The following MFNG variants were observed in gnomAD, a reference collection of about 807,000 sequenced individuals.
MFNG encodes MFNG O-fucosylpeptide 3-beta-N-acetylglucosaminyltransferase.
Under a neutral mutation model 34.2 loss-of-function variants are expected in MFNG, and 24 were observed. The observed-to-expected ratio is 0.70, with a 90% CI of 0.51 to 0.99. The LOEUF is 0.99. MFNG is among the 50% of genes least tolerant of loss of function. The pLI is 0.00. For missense variants in MFNG, 383 were observed against 424.0 expected (o/e 0.90, Z 0.85); for synonymous variants, 158 against 179.2 (o/e 0.88, Z 0.94).
intron 7 of MFNG, 69 bp from the exon 8 acceptor site, chr22:37,470,098 G>C: frequency 8.1e-7 from 1 of 1,231,972 alleles, no homozygotes; most frequent in Non-Finnish European, 1.2e-6. Flanking sequence ...TCTCCTAGGT[G>C]CACACATGCC....
At chr22:37,477,550 G>A (rs1380802009) in intron 4 of MFNG, among the ~76,000 whole-genome samples, 6 of 152,034 alleles carry the variant, frequency 3.9e-5, no homozygotes, top group South Asian at 4.1e-4. Flanking sequence ...AGGTTCAAGC[G>A]ATTCTCCAGC....
rs968063752 is a variant in MFNG at position 37,483,649 on chromosome 22, G to A, written c.255+2274C>T. 3.9e-5 allele frequency among the ~76,000 whole-genome samples: 6 copies of A among 152,008 alleles called. No individual in the cohort carries two copies. The highest frequency in any genetic ancestry group is 1.2e-4 in the African/African-American group (5 of 41,356). ...TAGAAAAATTAGCCGGGCGTGGTGC[G>A]CATGCCTGTAGTCCAAGCTACTCAG... On this transcript the variant is annotated intron_variant, in intron 1 of 7. Transcript: ENST00000356998. The surrounding 1 kb of genome is among the most constrained non-coding windows in gnomAD (Gnocchi z 4.5).
chr22:37,472,962 T>C (rs756338316), intron 6 of MFNG, among the ~76,000 whole-genome samples: 3 of 152,108 alleles, frequency 2.0e-5, no homozygotes, highest in Non-Finnish European at 4.4e-5. Flanking sequence ...TCAGAGGCTG[T>C]AGAGCACAGT....
chr22:37,476,904 C>A lies in MFNG; in HGVS notation c.639G>T (p.Pro213=). 6.2e-7 allele frequency: 1 copy of A among 1,613,828 alleles called. No homozygotes were observed. Among genetic ancestry groups the A allele is most frequent in the Non-Finnish European group, 8.5e-7 (1 of 1,179,818 alleles). The part of the protein sequence containing the change: ...INRKLALKMA[P]WASGSRFMDT... The stretch of plus-strand genomic sequence containing the variant: ...CCTGGGTCTCTGCTTACCTGGCCCA[C>A]GGAGCCATCTTCAAAGCCAGTTTGC... The change falls in exon 5 of 8, where the codon CCG becomes CCT. Residue 213 remains proline (P), a synonymous_variant. Transcript: ENST00000356998.
At chr22:37,478,840 A>T (rs1391860749) in intron 4 of MFNG, among the ~76,000 whole-genome samples, 3 of 151,970 alleles carry the variant, frequency 2.0e-5, no homozygotes, top group Admixed American at 1.3e-4. Context: ...CACCATGCCC[A>T]GCTAATTTTT....
At position 37,480,786 on chromosome 22, in the gene MFNG, G is replaced by C; in HGVS notation, c.256-17C>G. 1 of 1,612,430 alleles carries C rather than the reference G, an allele frequency of 6.2e-7. No homozygotes were observed. The highest frequency in any genetic ancestry group is 8.5e-7 in the Non-Finnish European group (1 of 1,179,324). On this transcript the variant is annotated splice_polypyrimidine_tract_variant and intron_variant, in intron 1 of 7. Coordinates refer to ENST00000356998, the MANE Select transcript of MFNG (RefSeq NM_002405.4). ...GACAAATGTCTAGGAAGGAGAAGAA[G>C]GGGTCAGGACTCACATCGGCCCAAG...
chr22:37,478,287 C>T (rs1388966795), intron 4 of MFNG, among the ~76,000 whole-genome samples: 1 of 152,170 alleles, frequency 6.6e-6, no homozygotes, highest in Admixed American at 6.5e-5. Context: ...ACCTCCCGAT[C>T]TGCCTTCTTC....
At position 37,486,061 on chromosome 22, in the gene MFNG, G is replaced by C; in HGVS notation, c.117C>G (p.Pro39=). ...NLSPQRVQGT[P]ELSQPNPGPP... is the part of the protein sequence containing the mutation. The stretch of plus-strand genomic sequence containing the variant: ...GCCCCGGGTTCGGCTGGCTCAGCTC[G>C]GGGGTCCCTTGTACCCGCTGCGGGG... The change falls in exon 1 of 8, where the codon CCC becomes CCG. Residue 39 remains proline, a synonymous_variant. Transcript: ENST00000356998. 6.2e-7 allele frequency: 1 copy of C among 1,613,740 alleles called. No individual in the cohort carries two copies. The highest frequency in any genetic ancestry group is 1.3e-5 in the African/African-American group (1 of 75,030).
chr22:37,482,369 T>C lies in MFNG; in HGVS notation c.256-1600A>G, dbSNP rs1380153871. 6.6e-6 allele frequency among the ~76,000 whole-genome samples: 1 copy of C among 152,128 alleles called. No individual in the cohort carries two copies. The highest frequency in any genetic ancestry group is 2.1e-4 in the South Asian group (1 of 4,830). Reference sequence around the variant, plus strand: ...GGGGCCACCTGGCCACCCTGCCTGATGTAGTCTGATCTCATTACTTCCTGT... The same window carrying C: ...GGGGCCACCTGGCCACCCTGCCTGACGTAGTCTGATCTCATTACTTCCTGT... On this transcript the variant is annotated intron_variant, in intron 1 of 7. Coordinates refer to ENST00000356998, the MANE Select transcript of MFNG (RefSeq NM_002405.4). The surrounding 1 kb of genome is among the most constrained non-coding windows in gnomAD (Gnocchi z 4.1).
intron 5 of MFNG, among the ~76,000 whole-genome samples, chr22:37,475,741 T>G (rs1319532723): frequency 6.6e-6 from 1 of 152,146 alleles, no homozygotes; most frequent in Non-Finnish European, 1.5e-5. Context: ...GCCCTCAAGC[T>G]GCACCTGCAG....
intron 4 of MFNG, among the ~76,000 whole-genome samples, chr22:37,477,242 G>A (rs1922083844): frequency 6.6e-6 from 1 of 152,202 alleles, no homozygotes; most frequent in Admixed American, 6.5e-5. Flanking sequence ...AAAGGGGACA[G>A]GTGTTGTTTT....
chr22:37,472,421 A>T (rs1921850032), intron 7 of MFNG, 22 bp downstream of exon 7: 1 of 1,549,194 alleles, frequency 6.5e-7, no homozygotes, highest in African/African-American at 1.4e-5. Flanking sequence ...CTCCCATCCA[A>T]GGTTCCAGCC....
rs760886971 is a variant in MFNG, at chr22:37,479,349, C to A, written c.557G>T (p.Arg186Leu). The A allele has an allele frequency of 6.3e-7, 1 of 1,576,436 alleles. No homozygotes were observed. Among genetic ancestry groups the A allele is most frequent in the Non-Finnish European group, 8.6e-7 (1 of 1,161,402 alleles). ...AGGAGGAGGAGAGGGACCCACCGTG[C>A]GGTTGTGGGGCTGTGGCTCTGAGGC... ...IHASEPQPHN[R>L]TRLVQFWFAT... Residue 186 changes from arginine (R) to leucine (L), a missense_variant, in exon 4 of 8, where the codon CGC becomes CTC. By Grantham distance (102) the Arg-to-Leu change is moderately radical. Transcript: ENST00000356998.
chr22:37,479,345 C>G lies in MFNG; in HGVS notation c.561G>C (p.Thr187=), dbSNP rs1317799852. 5 of 1,571,228 alleles carry G rather than the reference C, an allele frequency of 3.2e-6. No homozygotes were observed. The highest frequency in any genetic ancestry group is 2.4e-5 in the East Asian group (1 of 41,978). The change falls in exon 4 of 8, where the codon ACG becomes ACC. Residue 187 remains threonine (T), a splice_region_variant and synonymous_variant. Transcript: ENST00000356998. ...HASEPQPHNR[T]RLVQFWFATG... is the part of the protein sequence containing the mutation. ...GCAAAGGAGGAGGAGAGGGACCCAC[C>G]GTGCGGTTGTGGGGCTGTGGCTCTG... is the stretch of plus-strand genomic sequence containing the variant.
chr22:37,480,682 G>C, intron 2 of MFNG, 39 bp downstream of exon 2: 6 of 1,602,194 alleles, frequency 3.7e-6, no homozygotes, highest in Non-Finnish European at 5.1e-6. Context: ...CCAGGCAACA[G>C]CTAAAGTCCC....
chr22:37,474,559 G>A lies in MFNG; in HGVS notation c.766C>T (p.His256Tyr), dbSNP rs779432544. 6.2e-7 allele frequency: 1 copy of A among 1,614,158 alleles called. No homozygotes were observed. The highest frequency in any genetic ancestry group is 8.5e-7 in the Non-Finnish European group (1 of 1,180,002). ...CTCAGCAGCTGCAGGGTCTCCAGGT[G>A]GGAGTGAAAGAGGGGGCTGGGCTGC... Reference protein sequence around the residue: ...RLQPSPLFHSHLETLQLLRTA... With the variant: ...RLQPSPLFHSYLETLQLLRTA... The change falls in exon 6 of 8, where the codon CAC (histidine) becomes TAC (tyrosine). Residue 256 changes from histidine to tyrosine, a missense_variant. Transcript: ENST00000356998.
rs1190981785 is a variant in MFNG at position 37,472,529 on chromosome 22, C to A, written c.814-1G>T. 6.3e-7 allele frequency: 1 copy of A among 1,580,282 alleles called. No individual in the cohort carries two copies. The highest frequency in any genetic ancestry group is 8.6e-7 in the Non-Finnish European group (1 of 1,166,010). On this transcript the variant is annotated splice_acceptor_variant, in intron 6 of 7. Transcript: ENST00000356998. LOFTEE classifies it high-confidence loss of function. ...CAAAGACACCGTAGCTGAGGGTGAC[C>A]TGGGCAGGGAGATAGAAGAGTGTTG...
At chr22:37,479,277 AC>A (rs994041228) in intron 4 of MFNG, 67 bp downstream of exon 4, 3 of 1,471,478 alleles carry the variant, frequency 2.0e-6, no homozygotes, top group African/African-American at 1.5e-5. Flanking sequence ...GCACACCCCC[AC>A]CCCCAGGACC....
intron 7 of MFNG, 95 bp from the exon 8 acceptor site, chr22:37,470,124 A>G: frequency 1.1e-6 from 1 of 938,186 alleles, no homozygotes; most frequent in Non-Finnish European, 1.7e-6. Context: ...GGCGGTTTGG[A>G]GCAGGGTTTC....
Sources: allele counts gnomAD v4.1 joint callset (sites outside exome capture counted in the v4.1 genomes callset), GRCh38; gene constraint gnomAD v4.1.1; non-coding constraint Gnocchi (gnomAD v3.1); transcripts MANE v1.5; gene names NCBI Gene and HGNC (gene_info 2026-07-23, HGNC 2026-07-21).